NBPF11: variants seen among roughly 807,000 people sequenced by gnomAD.
NBPF11 encodes the protein NBPF family member NBPF11.
In NBPF11, 72 loss-of-function variants were observed where a neutral mutation model predicts 93.9. That is an observed-to-expected ratio of 0.77 (90% CI 0.63 to 0.93). The LOEUF is 0.93. NBPF11 is among the 40% of genes least tolerant of loss of function. The pLI is 0.00. For synonymous variants in NBPF11, 224 were observed against 304.9 expected (o/e 0.73, Z 2.76); for missense variants, 705 against 802.2 (o/e 0.88, Z 1.46).
rs1211619048 is a variant in NBPF11 at position 148,146,266 on chromosome 1, G to T, written c.-548-2580C>A. On this transcript the variant is annotated intron_variant, in intron 1 of 23. Transcript: ENST00000682118. ...CCTCCTAACGGGGCTGCTGTCTGGG[G>T]CGGTAGCTGGGGGGGCGCTCTCCCC... The T allele has an allele frequency of 6.5e-6, 8 of 1,237,910 alleles. No homozygotes were observed. The East Asian group carries it at 2.4e-4, about 37-fold the overall frequency. The allele number at this position is 1,237,910 out of a possible 1,614,324, so 76.7% of individuals were successfully genotyped here. A position where few individuals can be genotyped will look rare whatever the true frequency, so the allele number is the denominator to read the frequency against.
chr1:148,136,688 C>T (rs1379218244), intron 3 of NBPF11, among the ~76,000 whole-genome samples: 1 of 151,862 alleles, frequency 6.6e-6, no homozygotes, highest in African/African-American at 2.4e-5. Flanking sequence ...CTTCTTTATC[C>T]CCTCCATGTT....
At chr1:148,146,631 C>A (rs1351573626) in intron 1 of NBPF11, 15 of 1,611,334 alleles carry the variant, frequency 9.3e-6, no homozygotes, top group Non-Finnish European at 1.1e-5. Context: ...TCCAGTACAG[C>A]CAGCGCGAGC....
chr1:148,146,770 C>A (rs1673183477), intron 1 of NBPF11: 1 of 1,613,202 alleles, frequency 6.2e-7, no homozygotes, highest in African/African-American at 1.3e-5. Flanking sequence ...GGACCTGGGC[C>A]AGATGAGCAG....
chr1:148,131,764 GAC>G (rs1286433595), intron 4 of NBPF11, among the ~76,000 whole-genome samples: 893 of 57,006 alleles, frequency 0.016, no homozygotes, highest in African/African-American at 0.062. Flanking sequence ...TCATTGTGCA[GAC>G]ACAGTGTGTA....
At chr1:148,135,868 A>C in intron 3 of NBPF11, 55 bp from the exon 4 acceptor site, 2 of 837,642 alleles carry the variant, frequency 2.4e-6, no homozygotes, top group Non-Finnish European at 3.9e-6. Flanking sequence ...AGGTTTTACC[A>C]ATGAGACACT....
At chr1:148,140,067 C>G (rs2746953) in intron 2 of NBPF11, among the ~76,000 whole-genome samples, 18 of 151,892 alleles carry the variant, frequency 1.2e-4, no homozygotes, top group South Asian at 8.3e-4. Flanking sequence ...TGAAGTTGGT[C>G]AAAAGAGAAA....
intron 15 of NBPF11, among the ~76,000 whole-genome samples, chr1:148,113,455 C>T (rs1469859845): frequency 6.8e-6 from 1 of 146,140 alleles, no homozygotes; most frequent in Non-Finnish European, 1.5e-5. Context: ...TACAGGAGCA[C>T]CCAGATTCAT....
chr1:148,117,289 T>G (rs1666797840), intron 12 of NBPF11, among the ~76,000 whole-genome samples: 1 of 148,534 alleles, frequency 6.7e-6, no homozygotes. Context: ...ACAAGCCTGC[T>G]CCCATCGCAG....
chr1:148,145,201 CTTTT>C (rs1190949525), intron 1 of NBPF11, among the ~76,000 whole-genome samples: 35 of 75,586 alleles, frequency 4.6e-4, no homozygotes, highest in African/African-American at 1.9e-3. Context: ...TTTTTTCTTT[CTTTT>C]TTTTTTTTTT....
intron 4 of NBPF11, among the ~76,000 whole-genome samples, chr1:148,129,108 T>C (rs1301217524): frequency 1.4e-5 from 2 of 145,610 alleles, no homozygotes; most frequent in African/African-American, 2.6e-5. Flanking sequence ...ATATATAATA[T>C]ATATACACGT....
intron 7 of NBPF11, among the ~76,000 whole-genome samples, chr1:148,123,157 A>G (rs1257565469): frequency 5.4e-4 from 82 of 151,880 alleles, no homozygotes; most frequent in Non-Finnish European, 9.4e-4. Context: ...CGCATTTCAA[A>G]CCTCATTCAT....
chr1:148,151,218 C>G (rs1385387597), intron 1 of NBPF11, among the ~76,000 whole-genome samples: 1 of 151,948 alleles, frequency 6.6e-6, no homozygotes, highest in Non-Finnish European at 1.5e-5. Context: ...GCTTGCCCCG[C>G]TAGTCATGAG....
chr1:148,140,690 A>C (rs1475232075), intron 2 of NBPF11, among the ~76,000 whole-genome samples: 1 of 152,062 alleles, frequency 6.6e-6, no homozygotes, highest in African/African-American at 2.4e-5. Context: ...TTGCACATTA[A>C]AACAACGAGA....
chr1:148,143,267 A>G lies in NBPF11; in HGVS notation c.-277+148T>C, dbSNP rs1774310. On this transcript the variant is annotated intron_variant, in intron 2 of 23. Transcript: ENST00000682118. ...ACACGCTGTGAATATTTGTTCATTC[A>G]TTTAACATATATTTATTTAATATCT... The G allele has an allele frequency of 4.7e-4, 205 of 437,598 alleles. 1 individual carries two copies. The highest frequency in any genetic ancestry group is 3.9e-3 in the African/African-American group (181 of 46,798). The allele number at this position is 437,598 out of a possible 1,614,324, so 27.1% of individuals were successfully genotyped here.
At chr1:148,142,277 G>A in intron 2 of NBPF11, among the ~76,000 whole-genome samples, 1 of 151,876 alleles carries the variant, frequency 6.6e-6, no homozygotes, top group Non-Finnish European at 1.5e-5. Flanking sequence ...CTAGTTATTA[G>A]AGAGAGACGC....
chr1:148,148,070 C>G (rs1382295668), intron 1 of NBPF11, among the ~76,000 whole-genome samples: 1 of 152,162 alleles, frequency 6.6e-6, no homozygotes, highest in Non-Finnish European at 1.5e-5. Context: ...GGTGGCAGGG[C>G]TGGGCTGGCT....
In NBPF11 at chr1:148,147,719, G is replaced by A. The variant is rs1432671379; in HGVS notation, c.-549+4031C>T. ...TCGTCGTTGCCTTGGTGATATGCAG[G>A]CAGTCCCTGCTGTGGGCCTGGGAGC... On this transcript the variant is annotated intron_variant, in intron 1 of 23. Coordinates refer to ENST00000682118, the MANE Select transcript of NBPF11 (RefSeq NM_001385469.3). Among the ~76,000 whole-genome samples, 589 of 152,088 alleles carry A rather than the reference G, an allele frequency of 3.9e-3. 17 individuals are homozygous for A. The highest frequency in any genetic ancestry group is 0.013 in the African/African-American group (526 of 41,358).
chr1:148,124,924 GC>G lies in NBPF11; in HGVS notation c.252del (p.Glu84AspfsTer23), dbSNP rs1668743049. ...CTGAGCTCCTCAGCTTGCTTGAGCT[GC>G]TCTGCAAGCTTCTCCTCCTTGAACT... Reference protein sequence around the residue: ...ERQFKEEKLAEQLKQAEELRQ... With the variant: ...ERQFKEEKLAXQLKQAEELRQ... On this transcript the variant is annotated frameshift_variant, in exon 6 of 24. Coordinates refer to ENST00000682118, the MANE Select transcript of NBPF11 (RefSeq NM_001385469.3). LOFTEE classifies it high-confidence loss of function. 3 of 1,610,000 alleles carry G rather than the reference GC, an allele frequency of 1.9e-6. No individual in the cohort carries two copies. The highest frequency in any genetic ancestry group is 1.7e-6 in the Non-Finnish European group (2 of 1,179,862).
intron 4 of NBPF11, among the ~76,000 whole-genome samples, chr1:148,129,132 T>TTATATATACACGTGTATATGTATTATC (rs1669783767): frequency 2.1e-5 from 3 of 144,456 alleles, no homozygotes; most frequent in Non-Finnish European, 3.0e-5. Context: ...TATGTATTAT[T>TTATATATACACGTGTATATGTATTATC]TATATATACA....
Sources: gnomAD v4.1 joint callset for allele counts (sites outside exome capture counted in the v4.1 genomes callset) on GRCh38, gnomAD v4.1.1 for gene constraint, MANE v1.5 for transcripts, NCBI Gene and HGNC (gene_info 2026-07-23, HGNC 2026-07-21) for gene names.